Variants in GABRB3 observed in about 807,000 individuals in gnomAD.
GABRB3 encodes gamma-aminobutyric acid receptor subunit beta-3.
Under a neutral mutation model 52.1 loss-of-function variants are expected in GABRB3, and 14 were observed. That is an observed-to-expected ratio of 0.27 (90% CI 0.18 to 0.42). GABRB3 has a LOEUF of 0.42. GABRB3 is among the 10% of genes least tolerant of loss of function. The pLI is 1.00. For synonymous variants in GABRB3, 260 were observed against 232.3 expected (o/e 1.12, Z -1.08); for missense variants, 307 against 609.1 (o/e 0.50, Z 5.22).
intron 3 of GABRB3, among the ~76,000 whole-genome samples, chr15:26,747,494 T>A (rs542551363): frequency 6.6e-6 from 1 of 152,218 alleles, no homozygotes; most frequent in Admixed American, 6.5e-5. Flanking sequence ...CTGAATGTTA[T>A]GTCTTTATTT....
At chr15:26,754,316 A>G (rs2140175355) in intron 3 of GABRB3, among the ~76,000 whole-genome samples, 1 of 152,336 alleles carries the variant, frequency 6.6e-6, no homozygotes, top group African/African-American at 2.4e-5. Context: ...AATGTAAAAC[A>G]AGAAAAGAGA....
Position 26,603,249 on chromosome 15 carries a change from G to A in GABRB3, c.461+18065C>T, listed in dbSNP as rs963350826. Among the ~76,000 whole-genome samples, 3 of 151,952 alleles carry A rather than the reference G, an allele frequency of 2.0e-5. No homozygotes were observed. The East Asian group carries it at 5.8e-4, about 29-fold the overall frequency. ...CTAACAGATGAATAACAGGTAACAAGATTGAAGTCACAATAAAAAGTCTCT... is the reference window on the plus strand; with the variant it reads ...CTAACAGATGAATAACAGGTAACAAAATTGAAGTCACAATAAAAAGTCTCT... On this transcript the variant is annotated intron_variant, in intron 4 of 8. Transcript: ENST00000311550.
intron 3 of GABRB3, chr15:26,657,075 G>A (rs912141817): frequency 1.3e-5 from 2 of 152,160 alleles, no homozygotes; most frequent in African/African-American, 2.4e-5. Flanking sequence ...CTTTTTCACT[G>A]TGGTCTCTGG....
chr15:26,633,913 G>C (rs77802541), intron 3 of GABRB3, among the ~76,000 whole-genome samples: 2 of 152,196 alleles, frequency 1.3e-5, no homozygotes, highest in Non-Finnish European at 2.9e-5. Flanking sequence ...TCTCTTGGCC[G>C]CCGGCTAAAT....
At chr15:26,691,049 A>T (rs1310560402) in intron 3 of GABRB3, among the ~76,000 whole-genome samples, 2 of 146,672 alleles carry the variant, frequency 1.4e-5, no homozygotes, top group Non-Finnish European at 3.0e-5. Flanking sequence ...CCTGGTCCTT[A>T]TTCCCTCCTC....
intron 4 of GABRB3, among the ~76,000 whole-genome samples, chr15:26,599,454 GC>G (rs773068481): frequency 7.9e-4 from 121 of 152,274 alleles, no homozygotes; most frequent in Non-Finnish European, 1.4e-3. Context: ...TAGCAAAAGG[GC>G]CCAGCCAGGG....
chr15:26,753,205 C>G (rs761150434), intron 3 of GABRB3, among the ~76,000 whole-genome samples: 1 of 152,098 alleles, frequency 6.6e-6, no homozygotes, highest in Non-Finnish European at 1.5e-5. Context: ...GTCCCGTCAC[C>G]GCAGACACTG....
chr15:26,615,573 T>G lies in GABRB3; in HGVS notation c.461+5741A>C, dbSNP rs1892223915. 1.1e-5 allele frequency: 6 copies of G among 562,290 alleles called. No homozygotes were observed. In the South Asian group the frequency reaches 4.3e-4, roughly 40 times the overall value. 34.8% of individuals were successfully genotyped at this position (562,290 alleles called of 1,614,324 possible). On this transcript the variant is annotated intron_variant, in intron 4 of 8. Coordinates refer to ENST00000311550, the MANE Select transcript of GABRB3 (RefSeq NM_000814.6). The stretch of plus-strand genomic sequence containing the variant: ...ATCTGCGTGAGTGGTCAGTGACTAC[T>G]TTTGCACAGTCATCAGAGTTAAGGA...
At chr15:26,671,989 C>G (rs1887913750) in intron 3 of GABRB3, among the ~76,000 whole-genome samples, 2 of 152,108 alleles carry the variant, frequency 1.3e-5, no homozygotes, top group African/African-American at 4.8e-5. Flanking sequence ...AATGGTTTCA[C>G]TATAGAAACA....
At chr15:26,749,273 T>C (rs1890435806) in intron 3 of GABRB3, among the ~76,000 whole-genome samples, 1 of 152,188 alleles carries the variant, frequency 6.6e-6, no homozygotes, top group African/African-American at 2.4e-5. Flanking sequence ...GACTTTCTCT[T>C]AGACTTATGG....
intron 3 of GABRB3, among the ~76,000 whole-genome samples, chr15:26,757,330 T>A (rs1297544051): frequency 6.6e-6 from 1 of 152,100 alleles, no homozygotes; most frequent in African/African-American, 2.4e-5. Context: ...CTAGGAGCTG[T>A]AATTATTCAT....
At chr15:26,609,577 T>C (rs1891987220) in intron 4 of GABRB3, among the ~76,000 whole-genome samples, 1 of 152,162 alleles carries the variant, frequency 6.6e-6, no homozygotes, top group African/African-American at 2.4e-5. Context: ...TTCTCAGCCA[T>C]CTTCCCTATT....
At chr15:26,607,789 T>G (rs1891893630) in intron 4 of GABRB3, among the ~76,000 whole-genome samples, 1 of 151,958 alleles carries the variant, frequency 6.6e-6, no homozygotes, top group South Asian at 2.1e-4. Context: ...ATGAAAGACC[T>G]GTACACTGCA....
intron 3 of GABRB3, among the ~76,000 whole-genome samples, chr15:26,755,301 G>A (rs185988601): frequency 7.9e-5 from 12 of 152,080 alleles, no homozygotes; most frequent in South Asian, 2.1e-4. Context: ...CACCGCACCC[G>A]GCCACCCCTA....
rs1889325898 is a variant in GABRB3 at position 26,548,084 on chromosome 15, T to A, written c.1131A>T (p.Glu377Asp). 1 of 1,614,204 alleles carries A rather than the reference T, an allele frequency of 6.2e-7. No homozygotes were observed. Among genetic ancestry groups the A allele is most frequent in the Non-Finnish European group, 8.5e-7 (1 of 1,180,036 alleles). Residue 377 changes from glutamate to aspartate, a missense_variant, in exon 9 of 9, where the codon GAA becomes GAT. Physicochemically the swap from Glu to Asp is conservative, Grantham distance 45. This residue lies in a region of GABRB3 where 115 missense variants were observed against 166.9 expected (regional missense o/e 0.69). Transcript: ENST00000311550. ...ILLTSLEVHN[E>D]MNEVSGGIGD... Reference sequence around the variant, plus strand: ...CAATGCCGCCTGAGACCTCATTCATTTCATTGTGAACTTCCAGCGATGTCA... The same window carrying A: ...CAATGCCGCCTGAGACCTCATTCATATCATTGTGAACTTCCAGCGATGTCA...
intron 6 of GABRB3, among the ~76,000 whole-genome samples, chr15:26,572,047 GA>G (rs67382387): frequency 0.067 from 3,554 of 53,144 alleles, 40 homozygotes; most frequent in Middle Eastern, 0.095. Context: ...TCCGTCTCAA[GA>G]AAAAAAAAAA....
At chr15:26,695,655 A>G (rs974353820) in intron 3 of GABRB3, among the ~76,000 whole-genome samples, 3 of 152,172 alleles carry the variant, frequency 2.0e-5, no homozygotes, top group Admixed American at 2.0e-4. Context: ...AAAGAAAGGG[A>G]AAGGATTAAA....
chr15:26,741,049 T>A (rs765273170), intron 3 of GABRB3, among the ~76,000 whole-genome samples: 8,123 of 31,058 alleles, frequency 0.26, 225 homozygotes, highest in Admixed American at 0.38. Flanking sequence ...GGAATAAGTG[T>A]GTGTGTGTGT....
intron 3 of GABRB3, among the ~76,000 whole-genome samples, chr15:26,645,290 T>C (rs1164366285): frequency 6.6e-6 from 1 of 152,208 alleles, no homozygotes; most frequent in Admixed American, 6.5e-5. Context: ...GTGAACTCTT[T>C]TGGTCATTTT....
Sources: gnomAD v4.1 joint callset for allele counts (sites outside exome capture counted in the v4.1 genomes callset) on GRCh38, gnomAD v4.1.1 for gene constraint, gnomAD v4.1.1 regional missense constraint, MANE v1.5 for transcripts, NCBI Gene and HGNC (gene_info 2026-07-23, HGNC 2026-07-21) for gene names.